Variants in UBR2 observed in about 807,000 individuals in gnomAD.
The protein encoded by UBR2 is ubiquitin protein ligase E3 component n-recognin 2.
Under a neutral mutation model 247.9 loss-of-function variants are expected in UBR2, and 92 were observed. The ratio of observed to expected loss-of-function variants is 0.37; its 90% CI spans 0.31 to 0.44. UBR2 has a LOEUF of 0.44. UBR2 is among the 20% of genes least tolerant of loss of function. The pLI, the probability that UBR2 is intolerant of heterozygous loss-of-function variation, is 1.00. For synonymous variants in UBR2, 672 were observed against 693.5 expected, an observed-to-expected ratio of 0.97 and a Z score of 0.49; for missense variants, 1,613 against 2,112.6, an observed-to-expected ratio of 0.76 and a Z score of 4.64.
At position 42,646,205 on chromosome 6, in the gene UBR2, C is replaced by T. The variant is rs150646350; in HGVS notation, c.2409+615C>T. On this transcript the variant is annotated intron_variant, in intron 21 of 46. Transcript: ENST00000372901. ...CTCAACCCTTATAATTGAGAAGAGA[C>T]TTTATTTTCATTGAGGCTTTTCAAA... Among the ~76,000 whole-genome samples, 101 of 152,258 alleles carry T rather than the reference C, an allele frequency of 6.6e-4. 1 individual carries two copies. The highest frequency in any genetic ancestry group is 1.2e-3 in the Non-Finnish European group (82 of 68,014).
intron 1 of UBR2, among the ~76,000 whole-genome samples, chr6:42,567,517 T>A (rs1350971051): frequency 6.6e-6 from 1 of 151,748 alleles, no homozygotes; most frequent in Non-Finnish European, 1.5e-5. Flanking sequence ...GATCACAAGG[T>A]CAAGAGATAG....
chr6:42,584,395 G>C (rs909585084), intron 2 of UBR2, among the ~76,000 whole-genome samples: 3 of 152,150 alleles, frequency 2.0e-5, no homozygotes, highest in Non-Finnish European at 2.9e-5. Context: ...CTATTCTTAT[G>C]TCAAAGACAT....
intron 44 of UBR2, among the ~76,000 whole-genome samples, chr6:42,685,286 G>A (rs1369703999): frequency 1.3e-5 from 2 of 152,062 alleles, no homozygotes; most frequent in Non-Finnish European, 2.9e-5. Context: ...ACTCCAGCCT[G>A]GGTGACAAAA....
intron 2 of UBR2, among the ~76,000 whole-genome samples, chr6:42,584,245 C>A (rs1420317368): frequency 6.6e-6 from 1 of 152,154 alleles, no homozygotes; most frequent in Non-Finnish European, 1.5e-5. Context: ...ATCTGCCCAC[C>A]TTGGCCTCCC....
At chr6:42,625,665 G>C (rs1795294810) in intron 11 of UBR2, among the ~76,000 whole-genome samples, 1 of 151,944 alleles carries the variant, frequency 6.6e-6, no homozygotes, top group South Asian at 2.1e-4. Context: ...GGCCAGGCTG[G>C]TCTCAAGCTC....
chr6:42,586,538 C>CTTTTTTTTTTTTTTTTTTTTTTTCTT (rs147830824), intron 2 of UBR2, among the ~76,000 whole-genome samples: 1 of 97,254 alleles, frequency 1.0e-5, no homozygotes, highest in Non-Finnish European at 1.9e-5. Context: ...GTTTGTCTCT[C>CTTTTTTTTTTTTTTTTTTTTTTTCTT]TTTTTTTTTT....
At chr6:42,581,943 C>A (rs1425607477) in intron 2 of UBR2, among the ~76,000 whole-genome samples, 4 of 152,030 alleles carry the variant, frequency 2.6e-5, no homozygotes, top group African/African-American at 9.7e-5. Context: ...GTTTTATATA[C>A]CAAATAACAT....
chr6:42,655,642 G>A lies in UBR2; in HGVS notation c.2791G>A (p.Ala931Thr), dbSNP rs752370038. 1.3e-6 allele frequency: 2 copies of A among 1,555,196 alleles called. No individual in the cohort carries two copies. Among genetic ancestry groups the A allele is most frequent in the African/African-American group, 1.4e-5 (1 of 70,894 alleles). Residue 931 changes from alanine (A) to threonine (T), a missense_variant, in exon 26 of 47, where the codon GCA (alanine) becomes ACA (threonine). Around this residue, in one of 3 missense-constraint regions of UBR2, gnomAD observed 1,524 missense variants for 1,967.3 expected, o/e 0.77. Coordinates refer to ENST00000372901, the MANE Select transcript of UBR2 (RefSeq NM_001363705.2). ...LQRVLHLIGM[A>T]LQEEKQHLEN... ...CAAGGTGTTACATTTAATTGGCATGGCACTACAAGAAGAAAAACAACATTT... is the reference window on the plus strand; with the variant it reads ...CAAGGTGTTACATTTAATTGGCATGACACTACAAGAAGAAAAACAACATTT...
chr6:42,584,309 T>C (rs563756514), intron 2 of UBR2, among the ~76,000 whole-genome samples: 52 of 152,346 alleles, frequency 3.4e-4, no homozygotes, highest in African/African-American at 1.2e-3. Context: ...GTTGCTTTGA[T>C]ATCTTATAAA....
At chr6:42,654,089 C>T (rs189834748) in intron 25 of UBR2, among the ~76,000 whole-genome samples, 10 of 152,246 alleles carry the variant, frequency 6.6e-5, no homozygotes, top group Non-Finnish European at 1.2e-4. Flanking sequence ...GAGCCCTCCT[C>T]GGGAGGCTGA....
intron 37 of UBR2, 26 bp downstream of exon 37, chr6:42,673,913 G>A: frequency 6.4e-7 from 1 of 1,572,710 alleles, no homozygotes; most frequent in African/African-American, 1.4e-5. Context: ...TTTATAACAT[G>A]TTGTAATTTT....
At chr6:42,572,010 G>A (rs1791178554) in intron 1 of UBR2, among the ~76,000 whole-genome samples, 1 of 152,058 alleles carries the variant, frequency 6.6e-6, no homozygotes, top group Non-Finnish European at 1.5e-5. Context: ...CTTAAAGCCT[G>A]TAGGATTGTC....
chr6:42,601,719 T>C (rs1381836049), intron 4 of UBR2, among the ~76,000 whole-genome samples: 1 of 148,236 alleles, frequency 6.7e-6, no homozygotes, highest in Non-Finnish European at 1.5e-5. Flanking sequence ...CAATGGGACA[T>C]ATAAAGCAGC....
At chr6:42,647,619 T>G (rs771952205) in intron 21 of UBR2, among the ~76,000 whole-genome samples, 1 of 151,834 alleles carries the variant, frequency 6.6e-6, no homozygotes, top group Non-Finnish European at 1.5e-5. Flanking sequence ...ATAAAGTGAT[T>G]GTAACTGTAT....
At chr6:42,660,996 T>TTA (rs530745400) in intron 30 of UBR2, among the ~76,000 whole-genome samples, 3 of 139,356 alleles carry the variant, frequency 2.2e-5, no homozygotes, top group East Asian at 2.1e-4. Flanking sequence ...TGTTTGTTTT[T>TTA]AAAAAAAAAA....
intron 41 of UBR2, among the ~76,000 whole-genome samples, chr6:42,679,279 A>G (rs1359149886): frequency 6.6e-6 from 1 of 152,236 alleles, no homozygotes; most frequent in East Asian, 1.9e-4. Flanking sequence ...CTAGTTGCCT[A>G]GGAACCATAT....
chr6:42,690,985 G>A (rs376646369), intron 46 of UBR2, 47 bp from the exon 47 acceptor site: 2 of 1,608,256 alleles, frequency 1.2e-6, no homozygotes, highest in South Asian at 2.2e-5. Flanking sequence ...TTATAATAGA[G>A]GAATAAACAG....
At chr6:42,649,953 T>C (rs192620092) in intron 22 of UBR2, among the ~76,000 whole-genome samples, 86 of 152,308 alleles carry the variant, frequency 5.6e-4, no homozygotes, top group Admixed American at 1.7e-3. Flanking sequence ...CATGTGAAAA[T>C]AGAGAAATTA....
At chr6:42,599,354 C>T (rs1793203364) in intron 4 of UBR2, among the ~76,000 whole-genome samples, 1 of 151,974 alleles carries the variant, frequency 6.6e-6, no homozygotes, top group Non-Finnish European at 1.5e-5. Context: ...TCACTTTGAG[C>T]CCAGGAGTTT....
Sources: gnomAD v4.1 joint callset for allele counts (sites outside exome capture counted in the v4.1 genomes callset) on GRCh38, gnomAD v4.1.1 for gene constraint, gnomAD v4.1.1 regional missense constraint, MANE v1.5 for transcripts, NCBI Gene and HGNC (gene_info 2026-07-23, HGNC 2026-07-21) for gene names.